The following THSD7B variants were observed in gnomAD, a reference collection of about 807,000 sequenced individuals.
The protein encoded by THSD7B is thrombospondin type-1 domain-containing protein 7B.
A neutral mutation model predicts 213.6 loss-of-function variants in THSD7B; 138 were observed. That is an observed-to-expected ratio of 0.65 (90% CI 0.56 to 0.74). THSD7B has a LOEUF of 0.74. THSD7B is among the 30% of genes least tolerant of loss of function. THSD7B has a pLI of 0.00. For synonymous variants in THSD7B, 742 were observed against 687.0 expected (o/e 1.08, Z -1.25); for missense variants, 1,931 against 1,991.5 (o/e 0.97, Z 0.58).
chr2:137,566,850 G>A (rs955390527), intron 16 of THSD7B, among the ~76,000 whole-genome samples: 8 of 152,104 alleles, frequency 5.3e-5, no homozygotes, highest in Non-Finnish European at 1.2e-4. Flanking sequence ...AAAGAAAAAC[G>A]AAACTGGGTT....
At chr2:136,865,346 A>G (rs920794185) in intron 1 of THSD7B, among the ~76,000 whole-genome samples, 2 of 152,214 alleles carry the variant, frequency 1.3e-5, no homozygotes, top group African/African-American at 4.8e-5. Context: ...TTACCAACAG[A>G]AGAGTTAAGA....
In THSD7B at chr2:137,116,516, G is replaced by A. The variant is rs562700103; in HGVS notation, c.1369+1223G>A. On this transcript the variant is annotated intron_variant, in intron 5 of 27. Coordinates refer to ENST00000409968, the MANE Select transcript of THSD7B (RefSeq NM_001316349.2). The stretch of plus-strand genomic sequence containing the variant: ...TCTTTGACTACTGTCTACTGTTGGA[G>A]GGTCTTCAGGGATCAACATATAAAT... Among the ~76,000 whole-genome samples the A allele has an allele frequency of 5.3e-5, 8 of 152,236 alleles. No individual in the cohort carries two copies. In the South Asian group the frequency reaches 1.5e-3, roughly 28 times the overall value.
intron 1 of THSD7B, among the ~76,000 whole-genome samples, chr2:136,785,791 T>C (rs904167617): frequency 2.0e-5 from 3 of 152,214 alleles, no homozygotes; most frequent in African/African-American, 7.2e-5. Context: ...ACCCAATACA[T>C]GGTCTTAAAC....
intron 15 of THSD7B, among the ~76,000 whole-genome samples, chr2:137,514,011 G>C (rs115529959): frequency 9.3e-4 from 141 of 152,174 alleles, no homozygotes; most frequent in African/African-American, 3.2e-3. Flanking sequence ...TCTTGACCCT[G>C]TCTGTATTGA....
At chr2:136,885,583 A>T (rs902905327) in intron 2 of THSD7B, among the ~76,000 whole-genome samples, 9 of 152,194 alleles carry the variant, frequency 5.9e-5, no homozygotes, top group Non-Finnish European at 1.0e-4. Context: ...TTAAGTTTCA[A>T]TATAAAACTA....
chr2:137,601,178 A>G (rs117702488), intron 17 of THSD7B, among the ~76,000 whole-genome samples: 3,031 of 152,284 alleles, frequency 0.02, 44 homozygotes, highest in Middle Eastern at 0.071. Context: ...GAAGAATGGA[A>G]AACATTTTAA....
chr2:137,544,444 G>A (rs1462726374), intron 15 of THSD7B, among the ~76,000 whole-genome samples: 5 of 151,684 alleles, frequency 3.3e-5, no homozygotes, highest in African/African-American at 1.2e-4. Context: ...CTGAGAAGGG[G>A]GAAGAATATA....
intron 1 of THSD7B, among the ~76,000 whole-genome samples, chr2:136,780,169 G>A (rs1169751824): frequency 6.6e-6 from 1 of 152,106 alleles, no homozygotes; most frequent in East Asian, 1.9e-4. Context: ...CAGTTCTGAT[G>A]GCTGGGAAGT....
chr2:137,079,658 T>G (rs1327651321), intron 3 of THSD7B, among the ~76,000 whole-genome samples: 6 of 152,232 alleles, frequency 3.9e-5, no homozygotes, highest in African/African-American at 1.4e-4. Flanking sequence ...TTTACCTTTA[T>G]GTGTCAGTGT....
chr2:137,198,148 C>T (rs1358353836), intron 7 of THSD7B, among the ~76,000 whole-genome samples: 1 of 152,136 alleles, frequency 6.6e-6, no homozygotes, highest in Non-Finnish European at 1.5e-5. Context: ...ACTAATGAGT[C>T]TACATAGTCA....
At chr2:136,917,906 A>G (rs191105051) in intron 2 of THSD7B, among the ~76,000 whole-genome samples, 1 of 152,340 alleles carries the variant, frequency 6.6e-6, no homozygotes, top group African/African-American at 2.4e-5. Context: ...TAGCTGAAAT[A>G]TACTGGCTTA....
At chr2:137,000,885 G>T (rs1388343638) in intron 2 of THSD7B, among the ~76,000 whole-genome samples, 2 of 151,986 alleles carry the variant, frequency 1.3e-5, no homozygotes, top group African/African-American at 2.4e-5. Context: ...TTTCAAAAGG[G>T]TGCCTCTCAT....
chr2:136,957,456 G>A (rs994444943), intron 2 of THSD7B, among the ~76,000 whole-genome samples: 1 of 141,110 alleles, frequency 7.1e-6, no homozygotes, highest in African/African-American at 2.7e-5. Context: ...TTTTTTTCTT[G>A]CTTTGATTAA....
At chr2:136,910,138 T>C (rs978013318) in intron 2 of THSD7B, among the ~76,000 whole-genome samples, 3 of 152,112 alleles carry the variant, frequency 2.0e-5, no homozygotes, top group Non-Finnish European at 4.4e-5. Flanking sequence ...CCTCAGTCTA[T>C]GGAGTAACTC....
At chr2:137,286,119 A>C (rs1165772533) in intron 12 of THSD7B, among the ~76,000 whole-genome samples, 1 of 151,748 alleles carries the variant, frequency 6.6e-6, no homozygotes, top group Non-Finnish European at 1.5e-5. Context: ...AAAAAGATTT[A>C]TATCATTTTC....
intron 2 of THSD7B, among the ~76,000 whole-genome samples, chr2:136,892,056 C>A (rs1466409292): frequency 6.6e-6 from 1 of 151,910 alleles, no homozygotes; most frequent in Non-Finnish European, 1.5e-5. Context: ...TCTGTGTGGT[C>A]TCGCCATATG....
chr2:137,128,424 A>G (rs6737185), intron 5 of THSD7B, among the ~76,000 whole-genome samples: 277 of 152,326 alleles, frequency 1.8e-3, no homozygotes, highest in African/African-American at 6.4e-3. Context: ...CAAATCACTC[A>G]TGGTACTTAA....
intron 15 of THSD7B, among the ~76,000 whole-genome samples, chr2:137,488,520 A>G (rs1688527112): frequency 1.3e-5 from 2 of 152,198 alleles, no homozygotes; most frequent in Admixed American, 1.3e-4. Flanking sequence ...TTACAATACA[A>G]AATATAGAAT....
chr2:137,332,270 G>C (rs1467675428), intron 12 of THSD7B, among the ~76,000 whole-genome samples: 1 of 152,240 alleles, frequency 6.6e-6, no homozygotes, highest in Non-Finnish European at 1.5e-5. Context: ...CTGGATGTGA[G>C]ACATGGAGTC....
Sources: allele counts gnomAD v4.1 joint callset (sites outside exome capture counted in the v4.1 genomes callset), GRCh38; gene constraint gnomAD v4.1.1; transcripts MANE v1.5; gene names NCBI Gene and HGNC (gene_info 2026-07-23, HGNC 2026-07-21).